Variants in ADCY5 observed in about 807,000 individuals in gnomAD.
ADCY5 encodes adenylate cyclase 5.
Under a neutral mutation model 119.7 loss-of-function variants are expected in ADCY5, and 30 were observed. The ratio of observed to expected loss-of-function variants is 0.25; its 90% CI spans 0.19 to 0.34. The LOEUF is 0.34. Ranked by LOEUF, ADCY5 falls within the 10% of genes least tolerant of loss-of-function variation. ADCY5 has a pLI of 1.00. For synonymous variants in ADCY5, 753 were observed against 762.2 expected (o/e 0.99, Z 0.20); for missense variants, 1,324 against 1,775.2 (o/e 0.75, Z 4.57).
At chr3:123,364,849 A>T (rs2055167) in intron 1 of ADCY5, among the ~76,000 whole-genome samples, 151,190 of 152,234 alleles carry the variant, frequency 0.99, 75,093 homozygotes, top group East Asian at 1. Flanking sequence ...CTTCCTTTTT[A>T]AAAAAATCTA....
chr3:123,419,901 G>A (rs1279668268), intron 1 of ADCY5, among the ~76,000 whole-genome samples: 2 of 151,700 alleles, frequency 1.3e-5, no homozygotes, highest in Non-Finnish European at 2.9e-5. Context: ...ATTCTACCTT[G>A]TATTATTTGC....
chr3:123,348,036 A>AGCGTGTGTGTGTGTGTGT lies in ADCY5; in HGVS notation c.1285-134_1285-133insACACACACACACACACGC, dbSNP rs1553732238. ...GCTCTCCCGGGACTCCTGGGTTAAC[A>AGCGTGTGTGTGTGTGTGT]GTGTGTGTGTGTGTGTGTGTGTGTG... On this transcript the variant is annotated intron_variant, in intron 2 of 20. Coordinates refer to ENST00000462833, the MANE Select transcript of ADCY5 (RefSeq NM_183357.3). 4.7e-5 allele frequency: 22 copies of AGCGTGTGTGTGTGTGTGT among 468,638 alleles called. No individual in the cohort carries two copies. In the African/African-American group the frequency reaches 5.4e-4, roughly 11 times the overall value. 29.0% of individuals were successfully genotyped at this position (468,638 alleles called of 1,614,324 possible).
chr3:123,284,484 T>C lies in ADCY5; in HGVS notation c.*124A>G. On this transcript the variant is annotated 3_prime_UTR_variant, in exon 21 of 21. Transcript: ENST00000462833. ...GGCAGAAGCTGCTCTGGAGTCCAAGTGGAAAATCTCAGCAGCGCAGCCCTG... is the reference window on the plus strand; with the variant it reads ...GGCAGAAGCTGCTCTGGAGTCCAAGCGGAAAATCTCAGCAGCGCAGCCCTG... 6.9e-7 allele frequency: 1 copy of C among 1,449,976 alleles called. No homozygotes were observed. Among genetic ancestry groups the C allele is most frequent in the Non-Finnish European group, 9.3e-7 (1 of 1,076,738 alleles). The allele number at this position is 1,449,976 out of a possible 1,614,324, so 89.8% of individuals were successfully genotyped here.
chr3:123,326,374 T>C (rs1242314476), intron 7 of ADCY5, among the ~76,000 whole-genome samples: 1 of 152,076 alleles, frequency 6.6e-6, no homozygotes, highest in Non-Finnish European at 1.5e-5. Flanking sequence ...CTCAACTCCC[T>C]CCCTTGTCAG....
In ADCY5 at chr3:123,282,539, C is replaced by T. The variant is rs1938440648; in HGVS notation, c.*2069G>A. 6.6e-6 allele frequency: 1 copy of T among 152,268 alleles called. No individual in the cohort carries two copies. The highest frequency in any genetic ancestry group is 2.4e-5 in the African/African-American group (1 of 41,440). 9.4% of individuals were successfully genotyped at this position (152,268 alleles called of 1,614,324 possible). ...ACATGGGATGAACTCAGCACACACA[C>T]TTTACTCAGGTTGGAAGCAGAACGA... On this transcript the variant is annotated 3_prime_UTR_variant, in exon 21 of 21. Transcript: ENST00000462833.
rs562010509 is a variant in ADCY5, at chr3:123,413,938, T to A, written c.1134+33474A>T. Among the ~76,000 whole-genome samples, 60 of 152,250 alleles carry A rather than the reference T, an allele frequency of 3.9e-4. 2 individuals carry two copies. In the South Asian group the frequency reaches 0.011, roughly 29 times the overall value. On this transcript the variant is annotated intron_variant, in intron 1 of 20. Transcript: ENST00000462833. ...CAGCTGCGAACTGTGTGATCCTGTG[T>A]GTTCAGCCTCACTCTCAGATGGGAC...
intron 3 of ADCY5, among the ~76,000 whole-genome samples, chr3:123,346,327 G>A (rs1942547964): frequency 6.6e-6 from 1 of 152,250 alleles, no homozygotes; most frequent in Non-Finnish European, 1.5e-5. Flanking sequence ...TCAGCCAGGG[G>A]CAGCCTTCTT....
intron 12 of ADCY5, among the ~76,000 whole-genome samples, chr3:123,310,621 C>A (rs1036441957): frequency 6.6e-6 from 1 of 152,160 alleles, no homozygotes; most frequent in Non-Finnish European, 1.5e-5. Context: ...GTTTTCTCTA[C>A]GAAAAGCAGT....
intron 1 of ADCY5, among the ~76,000 whole-genome samples, chr3:123,377,939 A>AAT (rs1943893455): frequency 6.6e-6 from 1 of 151,662 alleles, no homozygotes; most frequent in Non-Finnish European, 1.5e-5. Flanking sequence ...CAAAAAAAAA[A>AAT]AAAAAAAAAC....
intron 11 of ADCY5, among the ~76,000 whole-genome samples, chr3:123,316,769 G>C (rs115559112): frequency 3.3e-3 from 507 of 152,204 alleles, no homozygotes; most frequent in African/African-American, 0.011. Context: ...GTAGGGATTT[G>C]ATGTTAATTT....
At chr3:123,368,046 C>A (rs1943511312) in intron 1 of ADCY5, 2 of 1,463,288 alleles carry the variant, frequency 1.4e-6, no homozygotes, top group African/African-American at 2.9e-5. Flanking sequence ...CCAGAGATTG[C>A]CTGGGGGAGA....
intron 1 of ADCY5, among the ~76,000 whole-genome samples, chr3:123,364,804 A>T (rs1238142310): frequency 2.0e-5 from 3 of 152,186 alleles, no homozygotes; most frequent in African/African-American, 7.2e-5. Context: ...TCACCCAAAG[A>T]CAACCAGTAT....
In ADCY5 at chr3:123,447,492, G is replaced by T; in HGVS notation, c.1054C>A (p.Leu352Ile). ...LLPVRMRAAV[L>I]SGVLLSALHL... The stretch of plus-strand genomic sequence containing the variant: ...AGGGCGGACAGGAGCACCCCGCTGA[G>T]CACTGCGGCCCGCATGCGCACGGGC... Residue 352 changes from leucine to isoleucine, a missense_variant, in exon 1 of 21, where the codon CTC becomes ATC. Physicochemically the swap from Leu to Ile is conservative, Grantham distance 5 (BLOSUM62 2). This residue lies in a region of ADCY5 where 585 missense variants were observed against 569.9 expected (regional missense o/e 1.03). Coordinates refer to ENST00000462833, the MANE Select transcript of ADCY5 (RefSeq NM_183357.3). The T allele has an allele frequency of 6.2e-7, 1 of 1,611,840 alleles. No individual in the cohort carries two copies. The highest frequency in any genetic ancestry group is 8.5e-7 in the Non-Finnish European group (1 of 1,179,524).
chr3:123,387,605 G>C (rs1458430109), intron 1 of ADCY5, among the ~76,000 whole-genome samples: 1 of 152,194 alleles, frequency 6.6e-6, no homozygotes. Context: ...TCCTGACCCG[G>C]CCCAGCCCAG....
At chr3:123,287,269 G>A (rs1241493489) in intron 19 of ADCY5, among the ~76,000 whole-genome samples, 2 of 152,140 alleles carry the variant, frequency 1.3e-5, no homozygotes, top group Non-Finnish European at 2.9e-5. Flanking sequence ...CTGAGCTGGG[G>A]CAGGCACACT....
At chr3:123,413,064 T>C (rs901670079) in intron 1 of ADCY5, among the ~76,000 whole-genome samples, 1 of 152,206 alleles carries the variant, frequency 6.6e-6, no homozygotes, top group Non-Finnish European at 1.5e-5. Flanking sequence ...ACAGGCTTCA[T>C]GACGCCGGCT....
Position 123,332,677 on chromosome 3 carries a change from T to TG in ADCY5, c.1407-3dup. 1 of 1,602,100 alleles carries TG rather than the reference T, an allele frequency of 6.2e-7. No homozygotes were observed. The highest frequency in any genetic ancestry group is 8.6e-7 in the Non-Finnish European group (1 of 1,169,574). On this transcript the variant is annotated splice_polypyrimidine_tract_variant and splice_region_variant and intron_variant, in intron 3 of 20. Coordinates refer to ENST00000462833, the MANE Select transcript of ADCY5 (RefSeq NM_183357.3). Reference sequence around the variant, plus strand: ...CCCTCGATGTCAGCAAACAGGATGCTGGGGGACAGGCAGAGGAGGAAGACC... The same window carrying TG: ...CCCTCGATGTCAGCAAACAGGATGCTGGGGGGACAGGCAGAGGAGGAAGACC...
intron 1 of ADCY5, among the ~76,000 whole-genome samples, chr3:123,359,219 G>C (rs760713536): frequency 6.6e-6 from 1 of 151,526 alleles, no homozygotes; most frequent in Non-Finnish European, 1.5e-5. Flanking sequence ...GCCAGAGTTA[G>C]TGATGGGGGA....
intron 1 of ADCY5, among the ~76,000 whole-genome samples, chr3:123,376,772 G>A (rs1369527628): frequency 1.3e-5 from 2 of 152,308 alleles, no homozygotes; most frequent in African/African-American, 2.4e-5. Flanking sequence ...GCAGGAGGGG[G>A]AAACCAGGAC....
Sources: allele counts gnomAD v4.1 joint callset (sites outside exome capture counted in the v4.1 genomes callset), GRCh38; gene constraint gnomAD v4.1.1; regional missense constraint gnomAD v4.1.1; transcripts MANE v1.5; gene names NCBI Gene and HGNC (gene_info 2026-07-23, HGNC 2026-07-21).